Variants in PTPN11 observed in about 807,000 individuals in gnomAD.
The protein encoded by PTPN11 is tyrosine-protein phosphatase non-receptor type 11.
In PTPN11, 6 loss-of-function variants were observed where a neutral mutation model predicts 78.8. The ratio of observed to expected loss-of-function variants is 0.08; its 90% CI spans 0.04 to 0.15. The LOEUF (loss-of-function observed/expected upper bound fraction) is 0.15, where lower values mean the gene tolerates loss of function less well. Among genes scored for constraint, PTPN11 ranks in the 10% least tolerant of loss-of-function variants. PTPN11 has a pLI of 1.00. For synonymous variants in PTPN11, 221 were observed against 263.5 expected (o/e 0.84, Z 1.56); for missense variants, 386 against 744.8 (o/e 0.52, Z 5.61).
In PTPN11 at chr12:112,477,874, G is replaced by A. The variant is rs576405446; in HGVS notation, c.951G>A (p.Lys317=). The change falls in exon 9 of 16, where the codon AAG becomes AAA. Residue 317 remains lysine (K), a synonymous_variant. Transcript: ENST00000351677. ...ATTTCTAGCCTGAATTTGAAACCAA[G>A]TGCAACAATTCAAAGCCCAAAAAGA... ...ANIIMPEFET[K]CNNSKPKKSY... is the part of the protein sequence containing the mutation. 1.5e-4 allele frequency: 236 copies of A among 1,614,116 alleles called. 2 individuals are homozygous for A. In the South Asian group the frequency reaches 2.3e-3, roughly 16 times the overall value.
At position 112,450,491 on chromosome 12, in the gene PTPN11, G is replaced by A; in HGVS notation, c.311G>A (p.Cys104Tyr). 6.2e-7 allele frequency: 1 copy of A among 1,614,050 alleles called. No individual in the cohort carries two copies. The highest frequency in any genetic ancestry group is 1.3e-5 in the African/African-American group (1 of 75,048). The change falls in exon 3 of 16, where the codon TGT (cysteine) becomes TAT (tyrosine). Residue 104 changes from cysteine to tyrosine, a missense_variant. Cys to Tyr is a radical substitution (Grantham distance 194). Around this residue, in one of 3 missense-constraint regions of PTPN11, gnomAD observed 279 missense variants for 503.3 expected, o/e 0.55. Transcript: ENST00000351677. ...DVIELKYPLNCADPTSERWFH... is the reference protein window; with the variant it reads ...DVIELKYPLNYADPTSERWFH... ...ATTGAGCTTAAATATCCTCTGAACT[G>A]TGCAGATCCTACCTCTGAAAGGTCA...
chr12:112,436,009 A>G (rs1212210062), intron 1 of PTPN11, among the ~76,000 whole-genome samples: 1 of 152,116 alleles, frequency 6.6e-6, no homozygotes, highest in Non-Finnish European at 1.5e-5. Context: ...ACATAGTGGG[A>G]CCCCATCTCT....
At chr12:112,454,709 T>C (rs1309581387) in intron 5 of PTPN11, 29 bp downstream of exon 5, 1 of 1,539,352 alleles carries the variant, frequency 6.5e-7, no homozygotes, top group Admixed American at 1.7e-5. Flanking sequence ...TCAAGCTTTC[T>C]CCTTAAAAAC....
intron 6 of PTPN11, among the ~76,000 whole-genome samples, chr12:112,464,237 G>A (rs2038292148): frequency 6.6e-6 from 1 of 152,184 alleles, no homozygotes; most frequent in Non-Finnish European, 1.5e-5. Context: ...TCCAGAAGAC[G>A]TTACTTTTGC....
intron 10 of PTPN11, among the ~76,000 whole-genome samples, chr12:112,483,589 T>C (rs1291529949): frequency 6.6e-6 from 1 of 151,412 alleles, no homozygotes; most frequent in African/African-American, 2.4e-5. Flanking sequence ...GCAGCCAGAG[T>C]TGGATTTAAG....
intron 13 of PTPN11, among the ~76,000 whole-genome samples, chr12:112,499,217 AAAAG>A (rs1247824470): frequency 3.3e-5 from 5 of 152,206 alleles, no homozygotes; most frequent in Non-Finnish European, 5.9e-5. Flanking sequence ...TGCTTTTAAA[AAAAG>A]TATCGAGTAA....
chr12:112,474,827 C>T (rs559545238), intron 7 of PTPN11, among the ~76,000 whole-genome samples: 6 of 152,100 alleles, frequency 3.9e-5, no homozygotes, highest in South Asian at 4.2e-4. Flanking sequence ...GACAGGGTTT[C>T]GTCATGTTGC....
chr12:112,446,468 A>T lies in PTPN11; in HGVS notation c.137+70A>T. 1.9e-6 allele frequency: 3 copies of T among 1,606,740 alleles called. No homozygotes were observed. In the South Asian group the frequency reaches 3.3e-5, roughly 18 times the overall value. On this transcript the variant is annotated intron_variant, in intron 2 of 15. Coordinates refer to ENST00000351677, the MANE Select transcript of PTPN11 (RefSeq NM_002834.5). ...TAGGAAGTGGTAAAACCATGCTTGG[A>T]TAGCTTGCTGCCTGCATTTCGAGTT...
chr12:112,419,394 G>C (rs1278833506), intron 1 of PTPN11, among the ~76,000 whole-genome samples: 1 of 152,222 alleles, frequency 6.6e-6, no homozygotes, highest in East Asian at 1.9e-4. Context: ...GGGGCAGGTA[G>C]AGCCGCCGAG....
intron 1 of PTPN11, among the ~76,000 whole-genome samples, chr12:112,433,396 C>T (rs1416217290): frequency 2.6e-5 from 4 of 152,114 alleles, no homozygotes; most frequent in African/African-American, 4.8e-5. Flanking sequence ...ACCACAGTGA[C>T]GAAATCGCCT....
At chr12:112,479,072 C>T (rs2038555866) in intron 9 of PTPN11, among the ~76,000 whole-genome samples, 1 of 152,224 alleles carries the variant, frequency 6.6e-6, no homozygotes, top group African/African-American at 2.4e-5. Flanking sequence ...AACTGTCCTC[C>T]CAAATGGTTG....
At chr12:112,463,226 A>G (rs950431999) in intron 6 of PTPN11, among the ~76,000 whole-genome samples, 8 of 152,068 alleles carry the variant, frequency 5.3e-5, no homozygotes, top group African/African-American at 1.9e-4. Flanking sequence ...ATTATTTAAA[A>G]TAATAGACAC....
intron 9 of PTPN11, among the ~76,000 whole-genome samples, chr12:112,478,886 C>T (rs934266705): frequency 1.3e-5 from 2 of 152,114 alleles, no homozygotes; most frequent in African/African-American, 4.8e-5. Context: ...GTGCGTGCCA[C>T]CACGCCTGGC....
chr12:112,496,979 C>T (rs564805117), intron 13 of PTPN11, among the ~76,000 whole-genome samples: 14 of 152,092 alleles, frequency 9.2e-5, no homozygotes, highest in African/African-American at 3.1e-4. Flanking sequence ...CGAGACCAGC[C>T]TGGCCAAAAT....
chr12:112,470,951 G>A (rs2038405978), intron 6 of PTPN11, among the ~76,000 whole-genome samples: 1 of 152,182 alleles, frequency 6.6e-6, no homozygotes, highest in Non-Finnish European at 1.5e-5. Flanking sequence ...TGCTTGCCCA[G>A]AGAGGGCAAA....
intron 7 of PTPN11, 101 bp downstream of exon 7, chr12:112,473,141 C>A: frequency 2.1e-6 from 2 of 962,664 alleles, no homozygotes; most frequent in Non-Finnish European, 3.3e-6. Context: ...GTTAGCACAT[C>A]GGAGGCCTTA....
chr12:112,496,486 G>T (rs1566190149), intron 13 of PTPN11, among the ~76,000 whole-genome samples: 1 of 152,110 alleles, frequency 6.6e-6, no homozygotes, highest in Non-Finnish European at 1.5e-5. Context: ...AAAACATATG[G>T]CTGTATATGA....
chr12:112,431,111 C>G (rs937026493), intron 1 of PTPN11, among the ~76,000 whole-genome samples: 2 of 152,252 alleles, frequency 1.3e-5, no homozygotes, highest in African/African-American at 4.8e-5. Context: ...CTCCTGTTGA[C>G]ACCACCCGGG....
At chr12:112,458,135 C>T (rs1272447836) in intron 6 of PTPN11, among the ~76,000 whole-genome samples, 1 of 152,204 alleles carries the variant, frequency 6.6e-6, no homozygotes, top group Non-Finnish European at 1.5e-5. Flanking sequence ...TATGATTTCC[C>T]ATTTTCCAGC....
Sources: gnomAD v4.1 joint callset for allele counts (sites outside exome capture counted in the v4.1 genomes callset) on GRCh38, gnomAD v4.1.1 for gene constraint, gnomAD v4.1.1 regional missense constraint, MANE v1.5 for transcripts, NCBI Gene and HGNC (gene_info 2026-07-23, HGNC 2026-07-21) for gene names.